ABCC8: variants seen among roughly 807,000 people sequenced by gnomAD.
ABCC8 encodes ATP-binding cassette sub-family C member 8.
Under a neutral mutation model 188.0 loss-of-function variants are expected in ABCC8, and 137 were observed. That is an observed-to-expected ratio of 0.73 (90% CI 0.63 to 0.84). The LOEUF is 0.84. ABCC8 is among the 40% of genes least tolerant of loss of function. The probability of loss-of-function intolerance (pLI) is 0.00; values close to 1 mark genes in which losing one functional copy is unlikely to be tolerated. For synonymous variants in ABCC8, 797 were observed against 846.5 expected (o/e 0.94, Z 1.01); for missense variants, 1,750 against 2,072.7 (o/e 0.84, Z 3.02).
chr11:17,448,711 C>G (rs201391776), intron 7 of ABCC8, 40 bp from the exon 8 acceptor site: 1 of 1,613,772 alleles, frequency 6.2e-7, no homozygotes, highest in East Asian at 2.2e-5. Flanking sequence ...CATCATCATT[C>G]TCATCATCAT....
chr11:17,420,782 G>A (rs1484738262), intron 16 of ABCC8, among the ~76,000 whole-genome samples: 1 of 152,182 alleles, frequency 6.6e-6, no homozygotes, highest in African/African-American at 2.4e-5. Context: ...TCACTCTACT[G>A]TGGATATTAA....
At chr11:17,452,059 T>C (rs926890146) in intron 7 of ABCC8, among the ~76,000 whole-genome samples, 6 of 152,204 alleles carry the variant, frequency 3.9e-5, no homozygotes, top group African/African-American at 1.4e-4. Context: ...CAGCCCTGAC[T>C]CTATCTGAAG....
At chr11:17,407,294 C>G (rs1442973819) in intron 24 of ABCC8, 60 bp downstream of exon 24, 50 of 1,613,548 alleles carry the variant, frequency 3.1e-5, no homozygotes, top group Non-Finnish European at 3.8e-5. Flanking sequence ...CAAACCTTAG[C>G]CTCTCTGTGG....
chr11:17,414,232 A>C (rs1423316718), intron 19 of ABCC8, among the ~76,000 whole-genome samples: 1 of 152,144 alleles, frequency 6.6e-6, no homozygotes, highest in Non-Finnish European at 1.5e-5. Flanking sequence ...ACTCACAGAG[A>C]GAGCTAGCTA....
intron 31 of ABCC8, 120 bp from the exon 32 acceptor site, chr11:17,397,433 C>A (rs1386743178): frequency 1.9e-6 from 3 of 1,549,740 alleles, no homozygotes; most frequent in Non-Finnish European, 2.6e-6. Flanking sequence ...TTGCTGCCAT[C>A]CACTGCCTGC....
chr11:17,426,997 A>G lies in ABCC8; in HGVS notation c.2222+52T>C. ...GTGTGTGCATCCTCAACTGAGGAGG[A>G]TGGTTAAAAGGAGATTTCCCCTCCA... On this transcript the variant is annotated intron_variant, in intron 16 of 38. Coordinates refer to ENST00000389817, the MANE Select transcript of ABCC8 (RefSeq NM_000352.6). 3.1e-6 allele frequency: 5 copies of G among 1,599,272 alleles called. 1 individual carries two copies. In the South Asian group the frequency reaches 4.5e-5, roughly 14 times the overall value.
In ABCC8 at chr11:17,436,154, C is replaced by G. The variant is rs758605352; in HGVS notation, c.1631-3910G>C. On this transcript the variant is annotated intron_variant, in intron 10 of 38. Transcript: ENST00000389817. ...AAGTGGGCTCGGAGGCAATGACAAC[C>G]AACATGTCTCAGCAAGAGCACAGCC... The G allele has an allele frequency of 3.9e-4, 296 of 754,246 alleles. 1 individual carries two copies. Among genetic ancestry groups the G allele is most frequent in the South Asian group, 7.5e-4 (55 of 73,170 alleles). The allele number at this position is 754,246 out of a possible 1,614,324, so 46.7% of individuals were successfully genotyped here. A position where few individuals can be genotyped will look rare whatever the true frequency, so the allele number is the denominator to read the frequency against.
chr11:17,431,343 A>G (rs1033539651), intron 11 of ABCC8, among the ~76,000 whole-genome samples: 2 of 152,218 alleles, frequency 1.3e-5, no homozygotes, highest in Non-Finnish European at 2.9e-5. Flanking sequence ...ACGAAACTGC[A>G]CAGTGCTTTG....
At chr11:17,410,271 T>C in intron 22 of ABCC8, 1 of 518,212 alleles carries the variant, frequency 1.9e-6, no homozygotes, top group Admixed American at 3.2e-5. Context: ...GGTGCCAGCC[T>C]TGAGTGTACC....
intron 1 of ABCC8, among the ~76,000 whole-genome samples, chr11:17,475,731 C>G (rs1848727640): frequency 6.6e-6 from 1 of 152,198 alleles, no homozygotes; most frequent in Non-Finnish European, 1.5e-5. Context: ...TCTTGTAAAT[C>G]TAATTTTGTG....
chr11:17,460,335 G>A (rs1957138741), intron 6 of ABCC8, among the ~76,000 whole-genome samples, 153 bp downstream of exon 6: 1 of 152,234 alleles, frequency 6.6e-6, no homozygotes, highest in South Asian at 2.1e-4. Flanking sequence ...CAGATGTAGA[G>A]TATTCTGTGG....
chr11:17,394,900 T>C (rs1953828198), intron 36 of ABCC8, among the ~76,000 whole-genome samples: 1 of 152,100 alleles, frequency 6.6e-6, no homozygotes, highest in South Asian at 2.1e-4. Context: ...CCCCTTGGCA[T>C]GGGGGACTCG....
At chr11:17,460,363 G>C in intron 6 of ABCC8, 125 bp downstream of exon 6, 1 of 1,440,874 alleles carries the variant, frequency 6.9e-7, no homozygotes, top group Non-Finnish European at 9.7e-7. Context: ...ACTGCTATGG[G>C]CTTTGCGCAT....
At position 17,406,876 on chromosome 11, in the gene ABCC8, C is replaced by T. The variant is rs770858452; in HGVS notation, c.3162+12G>A. Reference sequence around the variant, plus strand: ...CCCACTCCCAACCTCTGCCATGGGCCGCCAGTCACACCTGGCTGAGGGAGC... The same window carrying T: ...CCCACTCCCAACCTCTGCCATGGGCTGCCAGTCACACCTGGCTGAGGGAGC... On this transcript the variant is annotated intron_variant, in intron 25 of 38. Coordinates refer to ENST00000389817, the MANE Select transcript of ABCC8 (RefSeq NM_000352.6). 25 of 1,613,998 alleles carry T rather than the reference C, an allele frequency of 1.5e-5. No individual in the cohort carries two copies. The highest frequency in any genetic ancestry group is 1.6e-4 in the Middle Eastern group (1 of 6,084).
chr11:17,471,738 T>C (rs571323859), intron 2 of ABCC8, among the ~76,000 whole-genome samples: 6 of 152,248 alleles, frequency 3.9e-5, no homozygotes, highest in Non-Finnish European at 7.4e-5. Flanking sequence ...ATGGGGAAGA[T>C]AGGCTGACAC....
At position 17,396,908 on chromosome 11, in the gene ABCC8, GCTCTGACC is replaced by G; in HGVS notation, c.4119_4119+7del. 1 of 1,613,742 alleles carries G rather than the reference GCTCTGACC, an allele frequency of 6.2e-7. No homozygotes were observed. The highest frequency in any genetic ancestry group is 1.3e-5 in the African/African-American group (1 of 75,056). On this transcript the variant is annotated splice_donor_variant and splice_donor_5th_base_variant and coding_sequence_variant and intron_variant, in exon 33 of 39. Coordinates refer to ENST00000389817, the MANE Select transcript of ABCC8 (RefSeq NM_000352.6). LOFTEE classifies it high-confidence loss of function. ...TCCTGCAGCATTGGGTTGGGCCCGT[GCTCTGACC>G]TTCTGTCCAGGGGCGATGAGGGCAT...
chr11:17,414,428 C>T (rs1271220670), intron 19 of ABCC8, 84 bp downstream of exon 19: 11 of 1,560,694 alleles, frequency 7.0e-6, no homozygotes, highest in East Asian at 4.5e-5. Context: ...TGTGGGTGAT[C>T]GATGGAGGGG....
At chr11:17,402,550 G>A (rs952939076) in intron 29 of ABCC8, 111 bp downstream of exon 29, 1 of 1,599,584 alleles carries the variant, frequency 6.3e-7, no homozygotes, top group Non-Finnish European at 8.5e-7. Context: ...GCTTGAGAGA[G>A]AACGTGTCCT....
At chr11:17,467,627 TCA>T (rs1848245315) in intron 3 of ABCC8, among the ~76,000 whole-genome samples, 1 of 152,232 alleles carries the variant, frequency 6.6e-6, no homozygotes, top group Non-Finnish European at 1.5e-5. Context: ...GGTTCCAGGA[TCA>T]TGGTTCCCTC....
Sources: allele counts gnomAD v4.1 joint callset (sites outside exome capture counted in the v4.1 genomes callset), GRCh38; gene constraint gnomAD v4.1.1; transcripts MANE v1.5; gene names NCBI Gene and HGNC (gene_info 2026-07-23, HGNC 2026-07-21).